The following NIN variants were observed in gnomAD, a reference collection of about 807,000 sequenced individuals.
NIN encodes the protein ninein.
Under a neutral mutation model 257.6 loss-of-function variants are expected in NIN, and 137 were observed. The ratio of observed to expected loss-of-function variants is 0.53; its 90% CI spans 0.46 to 0.61. The LOEUF (loss-of-function observed/expected upper bound fraction) is 0.61. NIN is among the 20% of genes least tolerant of loss of function. The pLI, the probability that NIN is intolerant of heterozygous loss-of-function variation, is 0.00. For missense variants in NIN, 2,439 were observed against 2,501.2 expected, an observed-to-expected ratio of 0.98 and a Z score of 0.53; for synonymous variants, 918 against 919.8, an observed-to-expected ratio of 1.00 and a Z score of 0.04.
intron 26 of NIN, among the ~76,000 whole-genome samples, chr14:50,738,614 T>A (rs950942962): frequency 1.7e-4 from 26 of 152,280 alleles, no homozygotes; most frequent in African/African-American, 5.8e-4. Context: ...TTTTCTGACA[T>A]GAACACTACT....
chr14:50,756,382 C>G (rs1322360881), intron 18 of NIN, 110 bp downstream of exon 18: 4 of 1,171,708 alleles, frequency 3.4e-6, no homozygotes, highest in Non-Finnish European at 4.8e-6. Context: ...GAGTACTGCT[C>G]TCTTCGTGAA....
chr14:50,828,393 C>T (rs1287059877), intron 2 of NIN, among the ~76,000 whole-genome samples: 1 of 152,214 alleles, frequency 6.6e-6, no homozygotes, highest in Non-Finnish European at 1.5e-5. Context: ...AGGATGCTCA[C>T]TTTCAGAATC....
At chr14:50,818,099 G>A (rs1430486919) in intron 3 of NIN, among the ~76,000 whole-genome samples, 1 of 151,552 alleles carries the variant, frequency 6.6e-6, no homozygotes, top group Non-Finnish European at 1.5e-5. Flanking sequence ...CGAGGTGGGC[G>A]GATCACGAGG....
chr14:50,766,521 C>G (rs1595816360), intron 13 of NIN, 125 bp from the exon 14 acceptor site: 2 of 794,490 alleles, frequency 2.5e-6, no homozygotes. Context: ...GACATGTAAG[C>G]ACGAACAACA....
At chr14:50,771,042 A>G in intron 10 of NIN, 50 bp from the exon 11 acceptor site, 2 of 1,583,538 alleles carry the variant, frequency 1.3e-6, no homozygotes, top group Non-Finnish European at 8.6e-7. Flanking sequence ...CTAAGCAACA[A>G]GTAGACCCAG....
At chr14:50,727,520 AAG>A (rs2040468141) in intron 29 of NIN, 4 of 1,217,646 alleles carry the variant, frequency 3.3e-6, no homozygotes, top group African/African-American at 3.1e-5. Flanking sequence ...ATAAATAAAT[AAG>A]AGACATAATA....
chr14:50,739,835 A>G (rs890418553), intron 25 of NIN, among the ~76,000 whole-genome samples: 10 of 152,224 alleles, frequency 6.6e-5, no homozygotes, highest in African/African-American at 2.4e-4. Context: ...ATTCTTACGA[A>G]GTTATCTTTA....
At chr14:50,792,237 CAAGTGTTCGAGCTGCTTT>C (rs2043627952) in intron 5 of NIN, 1 of 154,632 alleles carries the variant, frequency 6.5e-6, no homozygotes, top group Non-Finnish European at 1.4e-5. Flanking sequence ...AGGCAAAAAC[CAAGTGTTCGAGCTGCTTT>C]ATCACACTAC....
chr14:50,739,676 T>C (rs963997283), intron 25 of NIN, among the ~76,000 whole-genome samples, 189 bp from the exon 26 acceptor site: 2 of 152,246 alleles, frequency 1.3e-5, no homozygotes, highest in Non-Finnish European at 2.9e-5. Context: ...TGAAGTTTGA[T>C]TTAAACAAAA....
chr14:50,767,816 CAA>C (rs755570611), intron 12 of NIN, among the ~76,000 whole-genome samples: 20 of 66,844 alleles, frequency 3.0e-4, no homozygotes, highest in Admixed American at 3.5e-4. Flanking sequence ...GACTCCATCT[CAA>C]AAAAAAAAAA....
intron 12 of NIN, among the ~76,000 whole-genome samples, chr14:50,767,816 CAAAA>C (rs755570611): frequency 1.5e-5 from 1 of 66,860 alleles, no homozygotes. Flanking sequence ...GACTCCATCT[CAAAA>C]AAAAAAAAAA....
At position 50,725,434 on chromosome 14, in the gene NIN, A is replaced by T. The variant is rs548751459; in HGVS notation, c.6192+519T>A. 6.6e-5 allele frequency among the ~76,000 whole-genome samples: 10 copies of T among 152,274 alleles called. 2 individuals are homozygous for T. The highest frequency in any genetic ancestry group is 2.2e-4 in the African/African-American group (9 of 41,552). ...TGGGGTCTAGATTCTAACTCAAAGT[A>T]CATCTTTTTGGAGTCTAGCTGTAGC... is the stretch of plus-strand genomic sequence containing the variant. On this transcript the variant is annotated intron_variant, in intron 30 of 30. Coordinates refer to ENST00000530997, the MANE Select transcript of NIN (RefSeq NM_020921.4).
intron 4 of NIN, among the ~76,000 whole-genome samples, chr14:50,797,781 A>G (rs79638854): frequency 0.021 from 3,199 of 152,204 alleles, 137 homozygotes; most frequent in African/African-American, 0.073. Context: ...ATGGAGAGAG[A>G]ATGAGACAGA....
chr14:50,773,172 A>G, intron 7 of NIN, 77 bp from the exon 8 acceptor site: 1 of 1,147,244 alleles, frequency 8.7e-7, no homozygotes, highest in Non-Finnish European at 1.3e-6. Context: ...GGCCAGTAGT[A>G]ATCAGTACCA....
intron 4 of NIN, among the ~76,000 whole-genome samples, chr14:50,804,923 G>A (rs1005695035): frequency 6.6e-6 from 1 of 152,254 alleles, no homozygotes; most frequent in African/African-American, 2.4e-5. Context: ...GGTTGGACAA[G>A]CGTGGTCTAG....
rs1197404070 is a variant in NIN at position 50,729,575 on chromosome 14, T to G, written c.6026A>C (p.Gln2009Pro). 1 of 1,614,148 alleles carries G rather than the reference T, an allele frequency of 6.2e-7. No individual in the cohort carries two copies. The part of the protein sequence containing the change: ...RQLLQAERIN[Q>P]HLQEELENRT... ...GTTTTCAAGTTCCTCCTGCAGGTGC[T>G]GGTTTATCCTTTCTGCCTGCAGCAG... Residue 2009 changes from glutamine (Q) to proline (P), a missense_variant, in exon 29 of 31, where the codon CAG (glutamine) becomes CCG (proline). By Grantham distance (76) the Gln-to-Pro change is moderately conservative. This residue lies in a region of NIN where 2,043 missense variants were observed against 2,050.2 expected (regional missense o/e 1.00). Transcript: ENST00000530997.
At position 50,719,795 on chromosome 14, in the gene NIN, AG is replaced by A. The variant is rs2040237965; in HGVS notation, c.*3667del. On this transcript the variant is annotated 3_prime_UTR_variant, in exon 31 of 31. Coordinates refer to ENST00000530997, the MANE Select transcript of NIN (RefSeq NM_020921.4). The stretch of plus-strand genomic sequence containing the variant: ...TACACTGAAACTTTATTAAAAGGTC[AG>A]GGTATATAGAAAACAAAAGGCATGT... 5.3e-6 allele frequency: 1 copy of A among 188,592 alleles called. No individual in the cohort carries two copies. Among genetic ancestry groups the A allele is most frequent in the South Asian group, 1.9e-4 (1 of 5,144 alleles). The allele number at this position is 188,592 out of a possible 1,614,324, so 11.7% of individuals were successfully genotyped here.
chr14:50,821,213 C>A (rs2045202294), intron 3 of NIN, among the ~76,000 whole-genome samples: 2 of 152,296 alleles, frequency 1.3e-5, no homozygotes, highest in South Asian at 4.1e-4. Context: ...CAGGTCATGG[C>A]AGATCAAATA....
chr14:50,757,179 G>C lies in NIN; in HGVS notation c.3851C>G (p.Thr1284Ser), dbSNP rs1426654327. ...ATCCTGCAACCTGAAAACCTCTGCA[G>C]TGAGTTCTTTGTTATTTTCTAGTGC... ...DEALENNKEL[T>S]AEVFRLQDEL... The change falls in exon 18 of 31, where the codon ACT (threonine) becomes AGT (serine). Residue 1284 changes from threonine (T) to serine (S), a missense_variant. Coordinates refer to ENST00000530997, the MANE Select transcript of NIN (RefSeq NM_020921.4). 1 of 1,613,422 alleles carries C rather than the reference G, an allele frequency of 6.2e-7. No homozygotes were observed. Among genetic ancestry groups the C allele is most frequent in the African/African-American group, 1.3e-5 (1 of 74,832 alleles).
Sources: allele counts gnomAD v4.1 joint callset (sites outside exome capture counted in the v4.1 genomes callset), GRCh38; gene constraint gnomAD v4.1.1; regional missense constraint gnomAD v4.1.1; transcripts MANE v1.5; gene names NCBI Gene and HGNC (gene_info 2026-07-23, HGNC 2026-07-21).